Variants in DGCR2 observed in about 807,000 individuals in gnomAD.
DGCR2 encodes the protein integral membrane protein DGCR2/IDD.
A neutral mutation model predicts 51.6 loss-of-function variants in DGCR2; 24 were observed. The observed-to-expected ratio is 0.47, with a 90% confidence interval of 0.34 to 0.65. The LOEUF (loss-of-function observed/expected upper bound fraction) is 0.65. Ranked by LOEUF, DGCR2 falls within the 30% of genes least tolerant of loss-of-function variation. The pLI is 0.01. For synonymous variants in DGCR2, 340 were observed against 315.4 expected (o/e 1.08, Z -0.82); for missense variants, 765 against 772.1 (o/e 0.99, Z 0.11).
intron 1 of DGCR2, among the ~76,000 whole-genome samples, chr22:19,118,699 C>T (rs1167997439): frequency 1.3e-5 from 2 of 152,192 alleles, no homozygotes; most frequent in Non-Finnish European, 2.9e-5. Context: ...CAGGAAGGGA[C>T]CAGGGTGCAC....
chr22:19,068,271 C>A (rs780986184), intron 2 of DGCR2, 46 bp from the exon 3 acceptor site: 7 of 1,530,064 alleles, frequency 4.6e-6, no homozygotes, highest in Non-Finnish European at 6.2e-6. Flanking sequence ...CCTGTGCAGT[C>A]GCAGTCTCCC....
At position 19,098,032 on chromosome 22, in the gene DGCR2, A is replaced by G. The variant is rs138288020; in HGVS notation, c.80-8542T>C. On this transcript the variant is annotated intron_variant, in intron 1 of 9. Transcript: ENST00000263196. ...CCTTACAACCAGACAGCTCTGGCTA[A>G]AATAGCCCCCACACGGATTTTCTGT... 4.4e-4 allele frequency among the ~76,000 whole-genome samples: 67 copies of G among 152,322 alleles called. 1 individual carries two copies. In the East Asian group the frequency reaches 0.01, roughly 23 times the overall value.
chr22:19,068,687 G>A (rs2082778863), intron 2 of DGCR2, among the ~76,000 whole-genome samples: 1 of 152,172 alleles, frequency 6.6e-6, no homozygotes, highest in African/African-American at 2.4e-5. Flanking sequence ...TTGTCCTGGG[G>A]CCTGAGCTGC....
chr22:19,044,651 G>A (rs371231860), intron 7 of DGCR2, among the ~76,000 whole-genome samples: 19 of 152,360 alleles, frequency 1.2e-4, no homozygotes, highest in African/African-American at 4.6e-4. Context: ...GCCAGCACTT[G>A]ATGCTATCAG....
At chr22:19,083,260 G>A (rs1432949020) in intron 2 of DGCR2, among the ~76,000 whole-genome samples, 5 of 152,120 alleles carry the variant, frequency 3.3e-5, no homozygotes, top group African/African-American at 1.2e-4. Flanking sequence ...TTTGCACAGC[G>A]ATATGTAATT....
intron 1 of DGCR2, among the ~76,000 whole-genome samples, chr22:19,114,062 G>GAAAA (rs55948025): frequency 2.4e-3 from 192 of 80,440 alleles, no homozygotes; most frequent in Non-Finnish European, 3.2e-3. Flanking sequence ...TCCATTTGAG[G>GAAAA]AAAAAAAAAA....
chr22:19,049,592 C>T (rs139078258), intron 6 of DGCR2, among the ~76,000 whole-genome samples: 2,279 of 152,104 alleles, frequency 0.015, 56 homozygotes, highest in African/African-American at 0.051. Flanking sequence ...TTTGGGAGGC[C>T]GAGGCAGGCA....
chr22:19,038,991 G>C lies in DGCR2; in HGVS notation c.1527C>G (p.Asp509Glu), dbSNP rs1469682084. 1 of 1,612,098 alleles carries C rather than the reference G, an allele frequency of 6.2e-7. No homozygotes were observed. The change falls in exon 10 of 10, where the codon GAC (aspartate) becomes GAG (glutamate). Residue 509 changes from aspartate (D) to glutamate (E), a missense_variant. Asp to Glu is a conservative substitution (Grantham distance 45, BLOSUM62 2). Coordinates refer to ENST00000263196, the MANE Select transcript of DGCR2 (RefSeq NM_005137.3). ...TAGASLADLE[D>E]SADSSSALLV... Reference sequence around the variant, plus strand: ...GCAGGGCGCTGCTGCTGTCGGCAGAGTCTTCCAGGTCTGCCAGAGAGGCCC... The same window carrying C: ...GCAGGGCGCTGCTGCTGTCGGCAGACTCTTCCAGGTCTGCCAGAGAGGCCC...
At chr22:19,071,295 G>A (rs2082812418) in intron 2 of DGCR2, among the ~76,000 whole-genome samples, 1 of 152,300 alleles carries the variant, frequency 6.6e-6, no homozygotes, top group Non-Finnish European at 1.5e-5. Flanking sequence ...AGTTCAACAA[G>A]GAAACAGAAT....
rs1555903868 is a variant in DGCR2, at chr22:19,062,774, T to TGCTC, written c.625+424_625+427dup. Among the ~76,000 whole-genome samples, 13 of 113,980 alleles carry TGCTC rather than the reference T, an allele frequency of 1.1e-4. 1 individual carries two copies. The South Asian group carries it at 2.3e-3, about 20-fold the overall frequency. 74.8% of individuals were successfully genotyped at this position (113,980 alleles called of 152,430 possible). Reference sequence around the variant, plus strand: ...ATCTTTGCGCACACACACACATGCATGCTCACTCTCTCTCTCTCTCTCTCT... The same window carrying TGCTC: ...ATCTTTGCGCACACACACACATGCATGCTCGCTCACTCTCTCTCTCTCTCTCTCT... On this transcript the variant is annotated intron_variant, in intron 5 of 9. Transcript: ENST00000263196.
At chr22:19,098,253 T>C (rs960289095) in intron 1 of DGCR2, among the ~76,000 whole-genome samples, 2 of 151,726 alleles carry the variant, frequency 1.3e-5, no homozygotes, top group African/African-American at 4.8e-5. Context: ...CAAACTCCCC[T>C]AACTGAGTCG....
intron 5 of DGCR2, among the ~76,000 whole-genome samples, chr22:19,059,003 G>A (rs1349373838): frequency 1.3e-5 from 2 of 152,244 alleles, no homozygotes; most frequent in African/African-American, 4.8e-5. Flanking sequence ...CCTACCCGAG[G>A]TGCAGCCTTG....
intron 1 of DGCR2, among the ~76,000 whole-genome samples, chr22:19,094,656 G>T (rs918268451): frequency 1.5e-4 from 23 of 152,166 alleles, no homozygotes; most frequent in Non-Finnish European, 1.8e-4. Context: ...ATTTAACCAA[G>T]AGAAATGAAA....
At chr22:19,121,803 G>A in intron 1 of DGCR2, 1 of 199,620 alleles carries the variant, frequency 5.0e-6, no homozygotes. Flanking sequence ...GTGCCCCTGA[G>A]AGCCACTGTC....
intron 2 of DGCR2, among the ~76,000 whole-genome samples, chr22:19,082,031 C>T (rs2082941798): frequency 1.3e-5 from 2 of 150,734 alleles, no homozygotes; most frequent in African/African-American, 4.9e-5. Context: ...TGTCTTTTCA[C>T]AGTCTTTACT....
chr22:19,090,423 G>C (rs1304555564), intron 1 of DGCR2, among the ~76,000 whole-genome samples: 1 of 152,148 alleles, frequency 6.6e-6, no homozygotes, highest in Non-Finnish European at 1.5e-5. Context: ...CCTAAAAGCA[G>C]GCAGAAAAAG....
Position 19,063,192 on chromosome 22 carries a change from A to G in DGCR2, c.625+10T>C. On this transcript the variant is annotated intron_variant, in intron 5 of 9. Coordinates refer to ENST00000263196, the MANE Select transcript of DGCR2 (RefSeq NM_005137.3). ...AGCTTCAAACACTCCCACACACCAGAAGGGCTCACCTTTGAATGCCACCTC... is the reference window on the plus strand; with the variant it reads ...AGCTTCAAACACTCCCACACACCAGGAGGGCTCACCTTTGAATGCCACCTC... The G allele has an allele frequency of 6.2e-7, 1 of 1,613,820 alleles. No homozygotes were observed. Among genetic ancestry groups the G allele is most frequent in the Non-Finnish European group, 8.5e-7 (1 of 1,179,726 alleles).
At chr22:19,079,523 C>A (rs190056858) in intron 2 of DGCR2, among the ~76,000 whole-genome samples, 3 of 152,256 alleles carry the variant, frequency 2.0e-5, no homozygotes, top group East Asian at 3.9e-4. Context: ...TCCTGGACTG[C>A]CATTTTACCA....
chr22:19,113,385 A>T (rs892056885), intron 1 of DGCR2, among the ~76,000 whole-genome samples: 13 of 146,778 alleles, frequency 8.9e-5, no homozygotes, highest in East Asian at 2.2e-4. Flanking sequence ...ATAAAAATAA[A>T]AAAAAAAAAA....
Sources: allele counts gnomAD v4.1 joint callset (sites outside exome capture counted in the v4.1 genomes callset), GRCh38; gene constraint gnomAD v4.1.1; transcripts MANE v1.5; gene names NCBI Gene and HGNC (gene_info 2026-07-23, HGNC 2026-07-21).